RFC5: variants seen among roughly 807,000 people sequenced by gnomAD.
RFC5 encodes replication factor C subunit 5.
In RFC5, 26 loss-of-function variants were observed where a neutral mutation model predicts 44.3. That is an observed-to-expected ratio of 0.59 (90% CI 0.43 to 0.81). The LOEUF is 0.81. Among genes scored for constraint, RFC5 ranks in the 40% least tolerant of loss-of-function variants. The pLI is 0.00. For missense variants in RFC5, 328 were observed against 418.6 expected (o/e 0.78, Z 1.89); for synonymous variants, 155 against 155.2 (o/e 1.00, Z 0.01).
At chr12:118,018,006 C>A (rs545796675) in intron 1 of RFC5, 1 of 701,658 alleles carries the variant, frequency 1.4e-6, no homozygotes, top group African/African-American at 1.7e-5. Context: ...CCCTGGCAAC[C>A]ACTAATCTGC....
At chr12:118,038,285 C>T in the RFC5 span, 2 of 1,612,402 alleles carry the variant, frequency 1.2e-6, no homozygotes, top group African/African-American at 2.7e-5. Flanking sequence ...GCTGGAGACT[C>T]ACCGACTTCT....
chr12:118,030,010 A>C (rs964793304), intron 10 of RFC5, among the ~76,000 whole-genome samples, 185 bp downstream of exon 10: 8 of 152,126 alleles, frequency 5.3e-5, no homozygotes, highest in African/African-American at 1.9e-4. Flanking sequence ...ATGGGGATAA[A>C]TTCACAGGTC....
chr12:118,037,159 G>A (rs555661128), downstream of RFC5, among the ~76,000 whole-genome samples: 1 of 152,232 alleles, frequency 6.6e-6, no homozygotes, highest in Non-Finnish European at 1.5e-5. Context: ...TCCAGCTTGG[G>A]CGAAAGAGTA....
In RFC5 at chr12:118,029,839, GC is replaced by G; in HGVS notation, c.926+18del. The G allele has an allele frequency of 1.3e-6, 2 of 1,564,884 alleles. No homozygotes were observed. The highest frequency in any genetic ancestry group is 1.8e-6 in the Non-Finnish European group (2 of 1,135,330). ...GGCAGACATTGAGTGAGTACTTCTT[GC>G]CCCAGTTTTAATTCTTTTCTTCCTT... On this transcript the variant is annotated intron_variant, in intron 10 of 10. Coordinates refer to ENST00000454402, the MANE Select transcript of RFC5 (RefSeq NM_007370.7).
In RFC5 at chr12:118,019,615, TC is replaced by T. The variant is rs1479285541; in HGVS notation, c.131-15del. 1.2e-6 allele frequency: 2 copies of T among 1,613,898 alleles called. No individual in the cohort carries two copies. Among genetic ancestry groups the T allele is most frequent in the Non-Finnish European group, 1.7e-6 (2 of 1,179,852 alleles). On this transcript the variant is annotated splice_polypyrimidine_tract_variant and intron_variant, in intron 2 of 10. Coordinates refer to ENST00000454402, the MANE Select transcript of RFC5 (RefSeq NM_007370.7). The surrounding 1 kb of genome is among the most constrained non-coding windows in gnomAD (Gnocchi z 4.2). ...TCCCAAAGACTGATGGTGCCCTTCTTCCTTCCTGATCCTCAGTTCAGAAGTT... is the reference window on the plus strand; with the variant it reads ...TCCCAAAGACTGATGGTGCCCTTCTTCTTCCTGATCCTCAGTTCAGAAGTT...
At chr12:118,028,686 A>T (rs930444766) in intron 9 of RFC5, among the ~76,000 whole-genome samples, 3 of 151,992 alleles carry the variant, frequency 2.0e-5, no homozygotes, top group African/African-American at 7.3e-5. Flanking sequence ...CTATCTAGAT[A>T]TATATTCCCA....
downstream of RFC5, among the ~76,000 whole-genome samples, chr12:118,037,666 C>CT (rs146098590): frequency 2.6e-4 from 34 of 130,072 alleles, no homozygotes; most frequent in Admixed American, 1.4e-3. Context: ...GAAACTCTGT[C>CT]TAAAAAAAAA....
chr12:118,036,422 T>A, downstream of RFC5: 1 of 1,613,912 alleles, frequency 6.2e-7, no homozygotes, highest in Non-Finnish European at 8.5e-7. Context: ...CAGGGCAGAG[T>A]CGGGGGAGAA....
downstream of RFC5, among the ~76,000 whole-genome samples, chr12:118,037,655 C>T (rs370512271): frequency 1.6e-4 from 23 of 145,180 alleles, no homozygotes; most frequent in South Asian, 6.5e-4. Context: ...GCAACAACAG[C>T]GAAACTCTGT....
downstream of RFC5, chr12:118,036,578 A>G: frequency 6.7e-7 from 1 of 1,496,130 alleles, no homozygotes; most frequent in Non-Finnish European, 9.0e-7. Context: ...GGAGGGAGGG[A>G]AAGGTACCAC....
intron 4 of RFC5, 130 bp downstream of exon 4, chr12:118,021,115 T>C: frequency 1.0e-5 from 6 of 581,416 alleles, no homozygotes; most frequent in South Asian, 4.4e-5. Context: ...AAAGCAACCA[T>C]GGAAAAGAGA....
chr12:118,016,805 C>T lies in RFC5; in HGVS notation c.-23C>T. 1 of 1,603,686 alleles carries T rather than the reference C, an allele frequency of 6.2e-7. No individual in the cohort carries two copies. Among genetic ancestry groups the T allele is most frequent in the Non-Finnish European group, 8.5e-7 (1 of 1,174,658 alleles). On this transcript the variant is annotated 5_prime_UTR_variant, in exon 1 of 11. Transcript: ENST00000454402. ...GGGTGACGCGACGATCTCAGCGGAT[C>T]TGGTCACCTTCGTCTCCCCGCCATG...
At chr12:118,035,931 C>T (rs368400372), downstream of RFC5, 88 of 165,702 alleles carry the variant, frequency 5.3e-4, no homozygotes, top group African/African-American at 1.9e-3. Flanking sequence ...CCAGGCCAGG[C>T]GCAGTGGCTC....
chr12:118,029,791 C>T lies in RFC5; in HGVS notation c.892C>T (p.Arg298Ter), dbSNP rs141299152. 3.1e-6 allele frequency: 5 copies of T among 1,609,850 alleles called. No homozygotes were observed. Among genetic ancestry groups the T allele is most frequent in the South Asian group, 1.1e-5 (1 of 90,994 alleles). ...VHRVDFPSSV[R>*]IHLLTKMADI... ...CTCAGTTGACTTTCCATCTTCAGTT[C>T]GAATACATTTATTGACCAAAATGGC... is the stretch of plus-strand genomic sequence containing the variant. The change falls in exon 10 of 11, where the codon CGA becomes TGA. Residue 298 changes from arginine to a stop codon, truncating the protein, a stop_gained. Transcript: ENST00000454402. LOFTEE classifies it high-confidence loss of function.
intron 4 of RFC5, among the ~76,000 whole-genome samples, chr12:118,021,233 A>AC (rs1354951653): frequency 2.0e-5 from 3 of 149,136 alleles, no homozygotes; most frequent in African/African-American, 7.4e-5. Context: ...TTTTTTGGAG[A>AC]CAGGGTCGCC....
At chr12:118,023,807 C>CACG in intron 5 of RFC5, among the ~76,000 whole-genome samples, 1 of 148,810 alleles carries the variant, frequency 6.7e-6, no homozygotes, top group South Asian at 2.2e-4. Flanking sequence ...TGTAAAAGGA[C>CACG]AAGAAGTCTC....
chr12:118,038,382 T>G, the RFC5 span: 2 of 1,614,004 alleles, frequency 1.2e-6, no homozygotes, highest in Non-Finnish European at 1.7e-6. Context: ...CACTTGAATC[T>G]GTTTACCTGG....
intron 1 of RFC5, 133 bp from the exon 2 acceptor site, chr12:118,018,939 T>G (rs933661160): frequency 1.5e-6 from 1 of 645,732 alleles, no homozygotes; most frequent in South Asian, 1.7e-5. Context: ...CCCCAAATGA[T>G]CCACCCACCT....
chr12:118,023,769 T>A (rs9739560), intron 5 of RFC5, among the ~76,000 whole-genome samples: 74,319 of 150,016 alleles, frequency 0.5, 18,795 homozygotes, highest in East Asian at 0.72. Context: ...GAAGGTGAAG[T>A]GTCATCAACC....
Sources: gnomAD v4.1 joint callset for allele counts (sites outside exome capture counted in the v4.1 genomes callset) on GRCh38, gnomAD v4.1.1 for gene constraint, Gnocchi (gnomAD v3.1) non-coding constraint, MANE v1.5 for transcripts, NCBI Gene and HGNC (gene_info 2026-07-23, HGNC 2026-07-21) for gene names.